The following ZBED3 variants were observed in gnomAD, a reference collection of about 807,000 sequenced individuals.
ZBED3 encodes the protein zinc finger BED domain-containing protein 3.
For missense variants in ZBED3, 388 were observed against 362.9 expected (o/e 1.07, Z -0.56); for synonymous variants, 175 against 180.0 (o/e 0.97, Z 0.22).
chr5:77,082,177 G>A (rs1743140533), intron 1 of ZBED3, among the ~76,000 whole-genome samples: 1 of 151,658 alleles, frequency 6.6e-6, no homozygotes, highest in South Asian at 2.1e-4. Context: ...TGAGGCAGGA[G>A]AATGGCTTGA....
chr5:77,083,954 C>A (rs1189759268), intron 1 of ZBED3, among the ~76,000 whole-genome samples: 1 of 152,144 alleles, frequency 6.6e-6, no homozygotes, highest in Non-Finnish European at 1.5e-5. Context: ...ATCATTAATT[C>A]TGTGGTTAGC....
At chr5:77,080,361 A>C in intron 1 of ZBED3, 1 of 423,192 alleles carries the variant, frequency 2.4e-6, no homozygotes. Flanking sequence ...CAAGGATGAG[A>C]AGCACTGACT....
chr5:77,082,308 G>T (rs1022510288), intron 1 of ZBED3, among the ~76,000 whole-genome samples: 2 of 151,750 alleles, frequency 1.3e-5, no homozygotes, highest in Non-Finnish European at 2.9e-5. Context: ...TCTACTCCTG[G>T]GGATCTCTTC....
rs1457451906 is a variant in ZBED3, at chr5:77,075,397, G to A, written c.*1777C>T. The stretch of plus-strand genomic sequence containing the variant: ...GTTGTTTTTAAAGACAAACATTCTG[G>A]AGACAATTGTTGAATACTGATTAAG... On this transcript the variant is annotated 3_prime_UTR_variant, in exon 3 of 3. Coordinates refer to ENST00000255198, the MANE Select transcript of ZBED3 (RefSeq NM_032367.4). 6.6e-6 allele frequency: 1 copy of A among 152,186 alleles called. No individual in the cohort carries two copies. Among genetic ancestry groups the A allele is most frequent in the Non-Finnish European group, 1.5e-5 (1 of 68,040 alleles). 9.4% of individuals were successfully genotyped at this position (152,186 alleles called of 1,614,324 possible). A position where few individuals can be genotyped will look rare whatever the true frequency, so the allele number is the denominator to read the frequency against.
At position 77,077,674 on chromosome 5, in the gene ZBED3, A is replaced by AGGTGGCCC. The variant is rs1003089145; in HGVS notation, c.197_204dup (p.Cys69GlyfsTer28). 7.7e-4 allele frequency: 1,066 copies of AGGTGGCCC among 1,381,158 alleles called. 1 individual carries two copies. The highest frequency in any genetic ancestry group is 9.3e-4 in the Non-Finnish European group (997 of 1,071,596). The allele number at this position is 1,381,158 out of a possible 1,614,324, so 85.6% of individuals were successfully genotyped here. On this transcript the variant is annotated frameshift_variant, in exon 3 of 3. Coordinates refer to ENST00000255198, the MANE Select transcript of ZBED3 (RefSeq NM_032367.4). LOFTEE classifies it low-confidence loss of function (END_TRUNC). Reference sequence around the variant, plus strand: ...CCCACCTGCTCCCCGCACAGACGGCAGGTGGCCCAGTGGCCCGACGGATGC... The same window carrying AGGTGGCCC: ...CCCACCTGCTCCCCGCACAGACGGCAGGTGGCCCGGTGGCCCAGTGGCCCGACGGATGC...
At position 77,077,341 on chromosome 5, in the gene ZBED3, G is replaced by T; in HGVS notation, c.538C>A (p.Gln180Lys). ...TCGGCCTGCAGTTCCCGGCGCGCCT[G>T]GGCCGCGGCGCGCTCTTCCTCCTGC... is the stretch of plus-strand genomic sequence containing the variant. ...ALQEEERAAA[Q>K]ARRELQAERE... Residue 180 changes from glutamine (Q) to lysine (K), a missense_variant, in exon 3 of 3, where the codon CAG becomes AAG. By Grantham distance (53) the Gln-to-Lys change is moderately conservative. Transcript: ENST00000255198. 8.0e-7 allele frequency: 1 copy of T among 1,257,308 alleles called. No individual in the cohort carries two copies. The highest frequency in any genetic ancestry group is 3.0e-5 in the South Asian group (1 of 33,078). The allele number at this position is 1,257,308 out of a possible 1,614,324, so 77.9% of individuals were successfully genotyped here. A position where few individuals can be genotyped will look rare whatever the true frequency, so the allele number is the denominator to read the frequency against.
chr5:77,087,187 C>T lies in ZBED3; in HGVS notation c.-229G>A, dbSNP rs1191358057. The T allele has an allele frequency of 6.6e-6, 1 of 152,398 alleles. No individual in the cohort carries two copies. Among genetic ancestry groups the T allele is most frequent in the Non-Finnish European group, 1.5e-5 (1 of 68,204 alleles). 9.4% of individuals were successfully genotyped at this position (152,398 alleles called of 1,614,324 possible). On this transcript the variant is annotated 5_prime_UTR_variant, in exon 1 of 3. Transcript: ENST00000255198. ...ATGGTAGATCCCCCTCCAGGCGCCT[C>T]GCTGACATTTTGTCCCGGACGGAAA...
At chr5:77,082,801 A>G (rs755475940) in intron 1 of ZBED3, among the ~76,000 whole-genome samples, 10 of 152,202 alleles carry the variant, frequency 6.6e-5, no homozygotes, top group East Asian at 1.9e-4. Flanking sequence ...GAAAGTGTGT[A>G]TATCACAGGA....
intron 1 of ZBED3, among the ~76,000 whole-genome samples, chr5:77,086,287 G>C (rs1447100830): frequency 6.6e-6 from 1 of 151,746 alleles, no homozygotes; most frequent in Non-Finnish European, 1.5e-5. Context: ...GAATTACCTG[G>C]CTTGGGCTTT....
At position 77,075,923 on chromosome 5, in the gene ZBED3, GA is replaced by G. The variant is rs1742965398; in HGVS notation, c.*1250del. On this transcript the variant is annotated 3_prime_UTR_variant, in exon 3 of 3. Coordinates refer to ENST00000255198, the MANE Select transcript of ZBED3 (RefSeq NM_032367.4). ...GCATAGAAAACTGACATGCACCCTA[GA>G]ACTTAAAGTATTATATATACATATA... The G allele has an allele frequency of 1.8e-5, 2 of 109,442 alleles. No individual in the cohort carries two copies. Among genetic ancestry groups the G allele is most frequent in the African/African-American group, 3.5e-5 (1 of 28,724 alleles). The allele number at this position is 109,442 out of a possible 1,614,324, so 6.8% of individuals were successfully genotyped here.
rs1430974128 is a variant in ZBED3 at position 77,075,803 on chromosome 5, A to G, written c.*1371T>C. 2 of 151,168 alleles carry G rather than the reference A, an allele frequency of 1.3e-5. No homozygotes were observed. Among genetic ancestry groups the G allele is most frequent in the Non-Finnish European group, 2.9e-5 (2 of 67,818 alleles). The allele number at this position is 151,168 out of a possible 1,614,324, so 9.4% of individuals were successfully genotyped here. ...ACAGGATCCACCTACCAAGAGAGCA[A>G]TTTCAAGGGAGAGATTAAGCAAAAT... is the stretch of plus-strand genomic sequence containing the variant. On this transcript the variant is annotated 3_prime_UTR_variant, in exon 3 of 3. Transcript: ENST00000255198.
chr5:77,076,455 AGTGGACATAT>A lies in ZBED3; in HGVS notation c.*709_*718del, dbSNP rs1330041599. On this transcript the variant is annotated 3_prime_UTR_variant, in exon 3 of 3. Transcript: ENST00000255198. ...TAAGGTGGCAGATGTGAGGCCTGAA[AGTGGACATAT>A]GTGCCACACTTGTCATTAGGTCTGA... 6.6e-6 allele frequency: 1 copy of A among 152,164 alleles called. No individual in the cohort carries two copies. Among genetic ancestry groups the A allele is most frequent in the Non-Finnish European group, 1.5e-5 (1 of 68,062 alleles). 9.4% of individuals were successfully genotyped at this position (152,164 alleles called of 1,614,324 possible).
At chr5:77,086,017 G>A (rs1177222925) in intron 1 of ZBED3, among the ~76,000 whole-genome samples, 2 of 152,236 alleles carry the variant, frequency 1.3e-5, no homozygotes, top group African/African-American at 2.4e-5. Context: ...TCTACCATTA[G>A]CTAAAAGGCA....
intron 1 of ZBED3, among the ~76,000 whole-genome samples, chr5:77,083,625 T>C (rs7701618): frequency 0.12 from 18,407 of 152,200 alleles, 1,198 homozygotes; most frequent in East Asian, 0.29. Context: ...AAACTACCGA[T>C]ATTTACTGCT....
intron 1 of ZBED3, among the ~76,000 whole-genome samples, chr5:77,083,710 A>G (rs1270365445): frequency 6.6e-6 from 1 of 152,232 alleles, no homozygotes; most frequent in Non-Finnish European, 1.5e-5. Context: ...TATTCAACAG[A>G]GTAAGTAGTC....
intron 1 of ZBED3, chr5:77,079,294 A>G (rs1391979829): frequency 6.6e-6 from 1 of 152,260 alleles, no homozygotes; most frequent in Non-Finnish European, 1.5e-5. Context: ...CAGTGAGATC[A>G]ATGCTGCTCA....
chr5:77,083,970 A>C (rs565847377), intron 1 of ZBED3, among the ~76,000 whole-genome samples: 18 of 152,372 alleles, frequency 1.2e-4, no homozygotes, highest in African/African-American at 4.3e-4. Context: ...TTAGCTAATA[A>C]GAAAATGAAA....
rs1206726758 is a variant in ZBED3 at position 77,075,713 on chromosome 5, AAAAG to A, written c.*1457_*1460del. On this transcript the variant is annotated 3_prime_UTR_variant, in exon 3 of 3. Transcript: ENST00000255198. ...TTTTCAATATAAAAAAATAAGAAAA[AAAAG>A]AGGCCTATGGAAAAACTGGGAACCA... The A allele has an allele frequency of 6.6e-6, 1 of 151,646 alleles. No homozygotes were observed. The highest frequency in any genetic ancestry group is 2.4e-5 in the African/African-American group (1 of 41,290). The allele number at this position is 151,646 out of a possible 1,614,324, so 9.4% of individuals were successfully genotyped here. A position where few individuals can be genotyped will look rare whatever the true frequency, so the allele number is the denominator to read the frequency against.
At position 77,074,082 on chromosome 5, in the gene ZBED3, G is replaced by A. The variant is rs1742930659; in HGVS notation, c.*3092C>T. The stretch of plus-strand genomic sequence containing the variant: ...GAGGGAAGGCAAACTGAGGCATAGA[G>A]ATGCCAATACCAGGTCTTGTCAGGA... On this transcript the variant is annotated 3_prime_UTR_variant, in exon 3 of 3. Coordinates refer to ENST00000255198, the MANE Select transcript of ZBED3 (RefSeq NM_032367.4). 6.6e-6 allele frequency: 1 copy of A among 152,288 alleles called. No homozygotes were observed. The highest frequency in any genetic ancestry group is 1.5e-5 in the Non-Finnish European group (1 of 68,112). 9.4% of individuals were successfully genotyped at this position (152,288 alleles called of 1,614,324 possible). A position where few individuals can be genotyped will look rare whatever the true frequency, so the allele number is the denominator to read the frequency against.
Sources: allele counts gnomAD v4.1 joint callset (sites outside exome capture counted in the v4.1 genomes callset), GRCh38; gene constraint gnomAD v4.1.1; transcripts MANE v1.5; gene names NCBI Gene and HGNC (gene_info 2026-07-23, HGNC 2026-07-21).